Variants in FBXO27 observed in about 807,000 individuals in gnomAD.
FBXO27 encodes F-box only protein 27.
In FBXO27, 28 loss-of-function variants were observed where a neutral mutation model predicts 28.3. The observed-to-expected ratio is 0.99, with a 90% CI of 0.73 to 1.36. The LOEUF is 1.36. Among genes scored for constraint, FBXO27 ranks in the 40% most tolerant of loss-of-function variants. The pLI is 0.00. For missense variants in FBXO27, 388 were observed against 394.1 expected (o/e 0.98, Z 0.13); for synonymous variants, 175 against 167.3 (o/e 1.05, Z -0.36).
At chr19:39,019,446 A>G (rs1600224998), downstream of FBXO27, among the ~76,000 whole-genome samples, 4 of 86,190 alleles carry the variant, frequency 4.6e-5, no homozygotes, top group African/African-American at 1.2e-4. Context: ...AAAAAAAAAA[A>G]AAAAAAAAAA....
chr19:39,013,345 G>A (rs1268856691), intron 2 of FBXO27, among the ~76,000 whole-genome samples: 1 of 151,804 alleles, frequency 6.6e-6, no homozygotes, highest in Non-Finnish European at 1.5e-5. Context: ...AAATACATTC[G>A]ATGGCCAGGC....
chr19:39,031,118 A>C lies in FBXO27; in HGVS notation c.483T>G (p.Cys161Trp), dbSNP rs755414012. The change falls in exon 4 of 6, where the codon TGT becomes TGG. Residue 161 changes from cysteine (C) to tryptophan (W), a missense_variant. Physicochemically the swap from Cys to Trp is radical, Grantham distance 215 (BLOSUM62 -2). Transcript: ENST00000292853. ...CTAGGTCCAAGACCTGCTTCTTGCA[A>C]CACCAGCTGGGAATGCAGGAGACAG... ...QTCFVTSFSW[C>W]CKKQVLDLEE... 4 of 1,613,980 alleles carry C rather than the reference A, an allele frequency of 2.5e-6. No individual in the cohort carries two copies. In the East Asian group the frequency reaches 8.9e-5, roughly 36 times the overall value.
chr19:39,006,641 C>T (rs1975735994), intron 2 of FBXO27, among the ~76,000 whole-genome samples: 1 of 152,014 alleles, frequency 6.6e-6, no homozygotes, highest in Non-Finnish European at 1.5e-5. Context: ...TGGCTTCCTC[C>T]TTGTTTCTGT....
downstream of FBXO27, among the ~76,000 whole-genome samples, chr19:39,019,783 G>C (rs910514066): frequency 1.3e-5 from 2 of 151,938 alleles, no homozygotes; most frequent in African/African-American, 4.8e-5. Context: ...ACAGAGCCTT[G>C]CTCTGTTGCC....
intron 2 of FBXO27, 86 bp downstream of exon 2, chr19:39,031,778 C>A (rs1034721773): frequency 7.2e-7 from 1 of 1,387,262 alleles, no homozygotes. Flanking sequence ...CCCCTAGTAC[C>A]GGTCCCAGTG....
At chr19:39,029,081 A>G (rs56212710) in intron 4 of FBXO27, among the ~76,000 whole-genome samples, 2,988 of 150,036 alleles carry the variant, frequency 0.02, 106 homozygotes, top group African/African-American at 0.069. Flanking sequence ...TTGGAGATGT[A>G]TCTCTTAATG....
chr19:39,028,820 G>A (rs1054728079), intron 4 of FBXO27, among the ~76,000 whole-genome samples: 6 of 151,682 alleles, frequency 4.0e-5, no homozygotes, highest in African/African-American at 1.5e-4. Flanking sequence ...CTGAGATTGT[G>A]CCATTGCACT....
chr19:39,011,439 A>G (rs2072793551), intron 2 of FBXO27, among the ~76,000 whole-genome samples: 1 of 152,038 alleles, frequency 6.6e-6, no homozygotes, highest in Non-Finnish European at 1.5e-5. Flanking sequence ...CTCTCAAAAC[A>G]ATTTTTTTTT....
intron 4 of FBXO27, among the ~76,000 whole-genome samples, chr19:39,028,390 C>T (rs1187259506): frequency 2.0e-5 from 3 of 152,044 alleles, no homozygotes; most frequent in African/African-American, 7.2e-5. Context: ...AAATAGTACC[C>T]ACTGATCAAA....
At chr19:39,012,569 A>G (rs2072800823) in intron 2 of FBXO27, among the ~76,000 whole-genome samples, 1 of 152,364 alleles carries the variant, frequency 6.6e-6, no homozygotes, top group South Asian at 2.1e-4. Flanking sequence ...AAACATTTTT[A>G]TACAAGTTGA....
chr19:39,016,698 T>C (rs1008274425), intron 1 of FBXO27, among the ~76,000 whole-genome samples: 6 of 150,358 alleles, frequency 4.0e-5, no homozygotes, highest in African/African-American at 1.5e-4. Context: ...GGTGGGAGGA[T>C]TGCTTGAGTC....
downstream of FBXO27, among the ~76,000 whole-genome samples, chr19:39,021,256 A>G (rs571859402): frequency 3.9e-5 from 6 of 152,298 alleles, no homozygotes; most frequent in East Asian, 9.6e-4. Context: ...GCCATATAGA[A>G]ACATTTTTAG....
At chr19:39,030,974 C>T in intron 4 of FBXO27, 55 bp downstream of exon 4, 1 of 1,457,722 alleles carries the variant, frequency 6.9e-7, no homozygotes, top group Non-Finnish European at 9.6e-7. Context: ...CATAAAAAGG[C>T]CATGTCACAT....
downstream of FBXO27, among the ~76,000 whole-genome samples, chr19:39,023,599 C>A (rs1600226372): frequency 6.8e-6 from 1 of 146,868 alleles, no homozygotes. Context: ...TCTCTAGAGG[C>A]TGGACCTATT....
chr19:39,027,589 T>C (rs2072880297), intron 4 of FBXO27, among the ~76,000 whole-genome samples: 1 of 152,162 alleles, frequency 6.6e-6, no homozygotes, highest in South Asian at 2.1e-4. Flanking sequence ...ATCTTTTCCC[T>C]GTAATAAACC....
chr19:39,006,513 C>T (rs1975735137), intron 2 of FBXO27, among the ~76,000 whole-genome samples: 1 of 151,982 alleles, frequency 6.6e-6, no homozygotes, highest in Non-Finnish European at 1.5e-5. Flanking sequence ...GAGCCTAGAT[C>T]ACGCCACTGA....
chr19:39,015,995 C>T (rs2072817882), intron 1 of FBXO27, among the ~76,000 whole-genome samples: 1 of 152,104 alleles, frequency 6.6e-6, no homozygotes, highest in Non-Finnish European at 1.5e-5. Flanking sequence ...TCTCTCGAAC[C>T]CGGGAGGCGG....
intron 2 of FBXO27, among the ~76,000 whole-genome samples, chr19:39,007,846 T>C (rs1018341762): frequency 6.6e-6 from 1 of 152,118 alleles, no homozygotes; most frequent in Non-Finnish European, 1.5e-5. Flanking sequence ...TTTCCCTATG[T>C]TGCCCAGGTT....
chr19:39,031,365 T>A, intron 2 of FBXO27, 45 bp from the exon 3 acceptor site: 2 of 1,592,656 alleles, frequency 1.3e-6, no homozygotes, highest in Non-Finnish European at 1.7e-6. Context: ...GTCGCCCGCC[T>A]GTTGGTTCCT....
Sources: gnomAD v4.1 joint callset for allele counts (sites outside exome capture counted in the v4.1 genomes callset) on GRCh38, gnomAD v4.1.1 for gene constraint, MANE v1.5 for transcripts, NCBI Gene and HGNC (gene_info 2026-07-23, HGNC 2026-07-21) for gene names.